The following ADAM19 variants were observed in gnomAD, a reference collection of about 807,000 sequenced individuals.
The protein encoded by ADAM19 is disintegrin and metalloproteinase domain-containing protein 19.
In ADAM19, 65 loss-of-function variants were observed where a neutral mutation model predicts 114.7. The observed-to-expected ratio is 0.57, with a 90% CI of 0.46 to 0.70. The LOEUF is 0.70. Ranked by LOEUF, ADAM19 falls within the 30% of genes least tolerant of loss-of-function variation. The pLI is 0.00. For synonymous variants in ADAM19, 466 were observed against 460.5 expected, an observed-to-expected ratio of 1.01 and a Z score of -0.15; for missense variants, 1,063 against 1,204.7, an observed-to-expected ratio of 0.88 and a Z score of 1.74.
intron 3 of ADAM19, among the ~76,000 whole-genome samples, chr5:157,558,125 C>T (rs551211727): frequency 1.1e-4 from 17 of 152,346 alleles, no homozygotes; most frequent in Non-Finnish European, 2.2e-4. Flanking sequence ...AATGACGTGC[C>T]TAGCAAAGCA....
chr5:157,548,758 G>A (rs887793649), intron 3 of ADAM19, among the ~76,000 whole-genome samples: 2 of 152,180 alleles, frequency 1.3e-5, no homozygotes, highest in African/African-American at 4.8e-5. Context: ...GGGCCACATT[G>A]TCAGCCTCCT....
intron 11 of ADAM19, among the ~76,000 whole-genome samples, chr5:157,504,896 G>A (rs1484375788): frequency 6.6e-6 from 1 of 151,876 alleles, no homozygotes; most frequent in Non-Finnish European, 1.5e-5. Context: ...GAGGCGGGTG[G>A]ATCACGAGGT....
chr5:157,564,124 G>A (rs976616424), intron 3 of ADAM19, among the ~76,000 whole-genome samples: 2 of 152,214 alleles, frequency 1.3e-5, no homozygotes, highest in African/African-American at 4.8e-5. Context: ...TGCCCGCAGT[G>A]AACTCCAGGG....
chr5:157,499,903 G>A (rs577559289), intron 12 of ADAM19, among the ~76,000 whole-genome samples: 21 of 150,496 alleles, frequency 1.4e-4, no homozygotes, highest in Non-Finnish European at 2.2e-4. Context: ...CTCAGCCTCC[G>A]AAGTAACTCA....
chr5:157,495,731 T>C (rs1169155171), intron 14 of ADAM19, among the ~76,000 whole-genome samples: 1 of 152,090 alleles, frequency 6.6e-6, no homozygotes, highest in Non-Finnish European at 1.5e-5. Flanking sequence ...CCTCCCAGTT[T>C]CAAGAGATTC....
At chr5:157,575,534 C>T in intron 1 of ADAM19, 69 bp downstream of exon 1, 1 of 1,224,890 alleles carries the variant, frequency 8.2e-7, no homozygotes, top group Non-Finnish European at 1.1e-6. Context: ...CCCAGCGCTC[C>T]GGACCCGCAA....
intron 3 of ADAM19, among the ~76,000 whole-genome samples, chr5:157,551,980 A>AAAAATAC (rs1388989360): frequency 1.3e-5 from 2 of 152,016 alleles, no homozygotes; most frequent in Non-Finnish European, 2.9e-5. Flanking sequence ...CATCTCTACT[A>AAAAATAC]AAAATACAAA....
chr5:157,548,941 A>T (rs1757118708), intron 3 of ADAM19, among the ~76,000 whole-genome samples: 1 of 152,142 alleles, frequency 6.6e-6, no homozygotes, highest in Admixed American at 6.5e-5. Flanking sequence ...ATATCCATAA[A>T]TCCGTCTGCA....
intron 5 of ADAM19, among the ~76,000 whole-genome samples, chr5:157,520,482 A>G (rs962730276): frequency 1.3e-5 from 2 of 152,252 alleles, no homozygotes; most frequent in African/African-American, 2.4e-5. Flanking sequence ...TTAGAGACTC[A>G]GGAAAAGCAG....
intron 21 of ADAM19, among the ~76,000 whole-genome samples, chr5:157,483,426 T>C (rs188006948): frequency 1.3e-5 from 2 of 152,152 alleles, no homozygotes; most frequent in African/African-American, 2.4e-5. Flanking sequence ...TTAAAAAGAA[T>C]GAAGTAGGTT....
chr5:157,498,862 A>T (rs928887745), intron 13 of ADAM19, among the ~76,000 whole-genome samples: 2 of 151,948 alleles, frequency 1.3e-5, no homozygotes, highest in African/African-American at 2.4e-5. Context: ...ATTTTTTTTT[A>T]AAAAGACTAT....
At chr5:157,545,079 A>G (rs1252181348) in intron 3 of ADAM19, among the ~76,000 whole-genome samples, 2 of 152,236 alleles carry the variant, frequency 1.3e-5, no homozygotes, top group African/African-American at 4.8e-5. Flanking sequence ...CCAGCCTGCT[A>G]AATGTAGGTG....
chr5:157,481,894 A>T lies in ADAM19; in HGVS notation c.2600T>A (p.Val867Glu). 1 of 1,604,262 alleles carries T rather than the reference A, an allele frequency of 6.2e-7. No individual in the cohort carries two copies. Among genetic ancestry groups the T allele is most frequent in the Non-Finnish European group, 8.5e-7 (1 of 1,175,362 alleles). The change falls in exon 22 of 23, where the codon GTG becomes GAG. Residue 867 changes from valine (V) to glutamate (E), a missense_variant. By Grantham distance (121) the Val-to-Glu change is moderately radical. This residue lies in a region of ADAM19 where 424 missense variants were observed against 445.5 expected (regional missense o/e 0.95). Coordinates refer to ENST00000257527, the MANE Select transcript of ADAM19 (RefSeq NM_033274.5). ...CCTGGGGAGGCTCCTGCGGCCTGGC[A>T]CTGGGTTTGCCGGGAGTGCCTTCTG... is the stretch of plus-strand genomic sequence containing the variant. ...PPQKALPANPVPGRRSLPRPG... is the reference protein window; with the variant it reads ...PPQKALPANPEPGRRSLPRPG...
intron 5 of ADAM19, among the ~76,000 whole-genome samples, chr5:157,527,656 G>A (rs1172628878): frequency 6.6e-6 from 1 of 152,114 alleles, no homozygotes; most frequent in East Asian, 1.9e-4. Context: ...GATCAGATTT[G>A]GGTGGGGACA....
intron 5 of ADAM19, among the ~76,000 whole-genome samples, chr5:157,529,701 T>C (rs1304074310): frequency 1.3e-5 from 2 of 152,144 alleles, no homozygotes; most frequent in African/African-American, 4.8e-5. Context: ...CTAGGTAAGA[T>C]AGCTATTCAC....
intron 4 of ADAM19, among the ~76,000 whole-genome samples, chr5:157,531,536 G>T (rs578165618): frequency 6.6e-6 from 1 of 152,146 alleles, no homozygotes; most frequent in East Asian, 1.9e-4. Flanking sequence ...ATGTGGTGGT[G>T]CACACCTATA....
chr5:157,527,943 A>G (rs1352587002), intron 5 of ADAM19, among the ~76,000 whole-genome samples: 1 of 152,170 alleles, frequency 6.6e-6, no homozygotes, highest in Admixed American at 6.5e-5. Context: ...AGCTCAGCTG[A>G]ATTCCTCTTG....
intron 1 of ADAM19, among the ~76,000 whole-genome samples, chr5:157,574,871 G>A (rs1450936137): frequency 6.6e-6 from 1 of 152,216 alleles, no homozygotes; most frequent in Admixed American, 6.5e-5. Context: ...ACCAAAGAAG[G>A]CGGCCGTCGG....
At chr5:157,524,875 G>GAACACAA (rs1561543169) in intron 5 of ADAM19, among the ~76,000 whole-genome samples, 5 of 152,218 alleles carry the variant, frequency 3.3e-5, no homozygotes, top group African/African-American at 9.7e-5. Flanking sequence ...ACAGCTAACG[G>GAACACAA]TCATTGATTG....
Sources: allele counts gnomAD v4.1 joint callset (sites outside exome capture counted in the v4.1 genomes callset), GRCh38; gene constraint gnomAD v4.1.1; regional missense constraint gnomAD v4.1.1; transcripts MANE v1.5; gene names NCBI Gene and HGNC (gene_info 2026-07-23, HGNC 2026-07-21).